Variants in VIPR1 observed in about 807,000 individuals in gnomAD.
VIPR1 encodes vasoactive intestinal peptide receptor 1, also known as vasoactive intestinal polypeptide receptor 1.
A neutral mutation model predicts 58.8 loss-of-function variants in VIPR1; 59 were observed. The observed-to-expected ratio is 1.00, with a 90% CI of 0.81 to 1.25. The LOEUF is 1.25. Among genes scored for constraint, VIPR1 ranks in the 50% most tolerant of loss-of-function variants. The probability of loss-of-function intolerance (pLI) is 0.00; values close to 1 mark genes in which losing one functional copy is unlikely to be tolerated. For missense variants in VIPR1, 626 were observed against 602.7 expected, an observed-to-expected ratio of 1.04 and a Z score of -0.40; for synonymous variants, 251 against 242.1, an observed-to-expected ratio of 1.04 and a Z score of -0.34.
intron 6 of VIPR1, 172 bp downstream of exon 6, chr3:42,528,295 A>C: frequency 5.7e-5 from 47 of 831,792 alleles, no homozygotes; most frequent in East Asian, 1.1e-4. Flanking sequence ...CAGTACTCAA[A>C]TCACACTCCC....
chr3:42,499,596 C>T (rs561614734), upstream of VIPR1, among the ~76,000 whole-genome samples: 185 of 152,270 alleles, frequency 1.2e-3, 1 homozygote, highest in Non-Finnish European at 1.9e-4. Flanking sequence ...GGGAGGAATC[C>T]ATGCAAGAAG....
chr3:42,502,438 CG>C (rs1699904148), upstream of VIPR1, among the ~76,000 whole-genome samples: 2 of 152,230 alleles, frequency 1.3e-5, no homozygotes, highest in Non-Finnish European at 2.9e-5. Flanking sequence ...AAATGTCTCA[CG>C]ACGGAAGACC....
At chr3:42,522,556 T>A (rs1489155342) in intron 3 of VIPR1, among the ~76,000 whole-genome samples, 2 of 152,068 alleles carry the variant, frequency 1.3e-5, no homozygotes, top group African/African-American at 2.4e-5. Context: ...CATGATGCTA[T>A]AAATAAGAAA....
chr3:42,531,076 C>A (rs2125676063), intron 7 of VIPR1, 144 bp downstream of exon 7: 1 of 1,085,246 alleles, frequency 9.2e-7, no homozygotes, highest in Non-Finnish European at 1.3e-6. Flanking sequence ...AGCCAAGGGT[C>A]AAGAAAGTCC....
At chr3:42,505,168 T>C (rs1700059617) in intron 1 of VIPR1, among the ~76,000 whole-genome samples, 1 of 152,140 alleles carries the variant, frequency 6.6e-6, no homozygotes, top group South Asian at 2.1e-4. Flanking sequence ...CAGGTGGATG[T>C]GGGGTACAGC....
At chr3:42,532,447 C>T in intron 10 of VIPR1, 114 bp downstream of exon 10, 1 of 1,147,226 alleles carries the variant, frequency 8.7e-7, no homozygotes, top group East Asian at 2.4e-5. Flanking sequence ...CAAAGAGCCA[C>T]ATTGTTCTTT....
At chr3:42,514,218 A>G (rs1024369538) in intron 2 of VIPR1, among the ~76,000 whole-genome samples, 1 of 152,024 alleles carries the variant, frequency 6.6e-6, no homozygotes, top group Admixed American at 6.5e-5. Flanking sequence ...TCTGTGACCA[A>G]TGAGGGCAGG....
At chr3:42,531,669 T>C in intron 8 of VIPR1, 134 bp from the exon 9 acceptor site, 1 of 1,546,286 alleles carries the variant, frequency 6.5e-7, no homozygotes, top group Non-Finnish European at 8.9e-7. Flanking sequence ...GAGGAGGACC[T>C]GGGGAGCAAC....
intron 1 of VIPR1, chr3:42,509,159 G>A (rs12493291): frequency 0.55 from 83,711 of 152,028 alleles, 24,974 homozygotes; most frequent in Non-Finnish European, 0.66. Context: ...TTGGCAATTT[G>A]CAGACAGTTC....
intron 1 of VIPR1, chr3:42,513,066 G>A (rs1365977334): frequency 6.7e-6 from 5 of 747,214 alleles, no homozygotes; most frequent in Non-Finnish European, 8.2e-6. Context: ...CCAGAAGCAG[G>A]GGAGGCCTGG....
At chr3:42,510,557 G>A (rs1416341581) in intron 1 of VIPR1, among the ~76,000 whole-genome samples, 2 of 152,184 alleles carry the variant, frequency 1.3e-5, no homozygotes, top group Non-Finnish European at 2.9e-5. Context: ...TTGACCAGAG[G>A]GTCCAAGGCG....
chr3:42,532,001 C>A, intron 9 of VIPR1, 132 bp downstream of exon 9: 1 of 1,062,674 alleles, frequency 9.4e-7, no homozygotes. Flanking sequence ...AATGCAGGAT[C>A]ATCCCCACCC....
intron 4 of VIPR1, 46 bp from the exon 5 acceptor site, chr3:42,527,347 G>T: frequency 6.4e-7 from 1 of 1,558,864 alleles, no homozygotes; most frequent in Non-Finnish European, 8.8e-7. Flanking sequence ...CCCTAGATGA[G>T]CCTCCCACCC....
rs1160404876 is a variant in VIPR1 at position 42,512,848 on chromosome 3, T to C, written c.79-901T>C. ...TGCTGCCAGTCCAACGCTTCCTCCATGGAGGCCTTCACCCACCCACACCCA... is the reference window on the plus strand; with the variant it reads ...TGCTGCCAGTCCAACGCTTCCTCCACGGAGGCCTTCACCCACCCACACCCA... On this transcript the variant is annotated intron_variant, in intron 1 of 12. Transcript: ENST00000325123. 1.3e-5 allele frequency: 13 copies of C among 985,356 alleles called. 1 individual carries two copies. In the South Asian group the frequency reaches 5.6e-4, roughly 43 times the overall value. 61.0% of individuals were successfully genotyped at this position (985,356 alleles called of 1,614,324 possible).
chr3:42,522,101 A>ATATATATATATATATATTTT (rs1419353370), intron 3 of VIPR1, among the ~76,000 whole-genome samples: 1 of 35,374 alleles, frequency 2.8e-5, no homozygotes, highest in African/African-American at 1.1e-4. Context: ...ATATATATAT[A>ATATATATATATATATATTTT]TTTTTTTTTT....
intron 9 of VIPR1, 163 bp downstream of exon 9, chr3:42,532,032 T>C (rs988716511): frequency 1.1e-6 from 1 of 950,874 alleles, no homozygotes; most frequent in Non-Finnish European, 1.6e-6. Flanking sequence ...AGTTCTTCCT[T>C]GAGCGTAAGC....
chr3:42,522,093 ATATATATATTTTTTT>A (rs1373788572), intron 3 of VIPR1, among the ~76,000 whole-genome samples: 1 of 44,344 alleles, frequency 2.3e-5, no homozygotes, highest in Non-Finnish European at 3.5e-5. Flanking sequence ...ATATATATAT[ATATATATATTTTTTT>A]TTTTTTTTTT....
intron 1 of VIPR1, chr3:42,507,756 T>C (rs1700180532): frequency 6.6e-6 from 1 of 152,122 alleles, no homozygotes; most frequent in Admixed American, 6.5e-5. Flanking sequence ...AAGCTAAGTG[T>C]CTGTGCTTGG....
At chr3:42,504,131 T>G (rs1700002272) in intron 1 of VIPR1, among the ~76,000 whole-genome samples, 1 of 152,102 alleles carries the variant, frequency 6.6e-6, no homozygotes, top group African/African-American at 2.4e-5. Flanking sequence ...TGGCACAACT[T>G]GCATGAAGCC....
Sources: allele counts gnomAD v4.1 joint callset (sites outside exome capture counted in the v4.1 genomes callset), GRCh38; gene constraint gnomAD v4.1.1; transcripts MANE v1.5; gene names NCBI Gene and HGNC (gene_info 2026-07-23, HGNC 2026-07-21).